MAN1C1: variants seen among roughly 807,000 people sequenced by gnomAD.
MAN1C1 encodes the protein mannosyl-oligosaccharide 1,2-alpha-mannosidase IC.
Under a neutral mutation model 71.5 loss-of-function variants are expected in MAN1C1, and 49 were observed. That is an observed-to-expected ratio of 0.69 (90% CI 0.54 to 0.87). The LOEUF is 0.87. MAN1C1 is among the 40% of genes least tolerant of loss of function. The pLI, the probability that MAN1C1 is intolerant of heterozygous loss-of-function variation, is 0.00. For synonymous variants in MAN1C1, 352 were observed against 343.7 expected (o/e 1.02, Z -0.27); for missense variants, 743 against 835.0 (o/e 0.89, Z 1.36).
intron 1 of MAN1C1, among the ~76,000 whole-genome samples, chr1:25,653,017 T>C (rs2124074265): frequency 6.6e-6 from 1 of 152,148 alleles, no homozygotes; most frequent in East Asian, 1.9e-4. Context: ...CTGCCCATCT[T>C]GACCTCCCAA....
chr1:25,706,579 G>C (rs1450766752), intron 2 of MAN1C1, among the ~76,000 whole-genome samples: 1 of 152,202 alleles, frequency 6.6e-6, no homozygotes, highest in East Asian at 1.9e-4. Context: ...AGGGCAGCCT[G>C]GGAGTCTGAG....
At chr1:25,721,296 A>G (rs939823114) in intron 2 of MAN1C1, among the ~76,000 whole-genome samples, 2 of 152,094 alleles carry the variant, frequency 1.3e-5, no homozygotes, top group African/African-American at 4.8e-5. Flanking sequence ...TAATTTTGGG[A>G]TCAGCTTGTC....
At chr1:25,759,822 C>A (rs1280769756) in intron 6 of MAN1C1, 1 of 152,130 alleles carries the variant, frequency 6.6e-6, no homozygotes. Flanking sequence ...AGCTGTTCAG[C>A]CTCTTCTTGA....
chr1:25,777,793 T>G, intron 8 of MAN1C1: 1 of 269,776 alleles, frequency 3.7e-6, no homozygotes, highest in Non-Finnish European at 7.0e-6. Flanking sequence ...ACAGAGGACA[T>G]AATGGAGGAG....
At chr1:25,679,950 A>AAAAAT (rs1285307256) in intron 1 of MAN1C1, among the ~76,000 whole-genome samples, 23 of 117,232 alleles carry the variant, frequency 2.0e-4, no homozygotes, top group African/African-American at 8.7e-4. Context: ...AAAAAAAAAA[A>AAAAAT]ATATATATAT....
chr1:25,633,971 T>C, intron 1 of MAN1C1, among the ~76,000 whole-genome samples: 1 of 152,218 alleles, frequency 6.6e-6, no homozygotes, highest in East Asian at 1.9e-4. Context: ...GGTCTGGTAG[T>C]GACAAGTTCC....
rs2786881 is a variant in MAN1C1, at chr1:25,763,088, C to T, written c.1048-786C>T. On this transcript the variant is annotated intron_variant, in intron 6 of 11. Transcript: ENST00000374332. The stretch of plus-strand genomic sequence containing the variant: ...TTCGAGACCAGCCTGGCCAACATGG[C>T]GAAACCCCATCTCTACTAAAAATAC... Among the ~76,000 whole-genome samples, 10 of 151,918 alleles carry T rather than the reference C, an allele frequency of 6.6e-5. No individual in the cohort carries two copies. In the South Asian group the frequency reaches 1.2e-3, roughly 19 times the overall value.
At chr1:25,697,135 A>T (rs948096947) in intron 2 of MAN1C1, among the ~76,000 whole-genome samples, 17 of 152,046 alleles carry the variant, frequency 1.1e-4, no homozygotes, top group Middle Eastern at 3.4e-3. Flanking sequence ...ATTTGGTTGT[A>T]TCATATCAGA....
At chr1:25,737,812 C>T (rs756660902) in intron 2 of MAN1C1, among the ~76,000 whole-genome samples, 2 of 152,028 alleles carry the variant, frequency 1.3e-5, no homozygotes, top group Non-Finnish European at 2.9e-5. Flanking sequence ...AGGTGTTTAC[C>T]GAGCCATCTC....
chr1:25,751,758 A>G (rs1211021308), intron 4 of MAN1C1, among the ~76,000 whole-genome samples: 1 of 152,148 alleles, frequency 6.6e-6, no homozygotes, highest in Non-Finnish European at 1.5e-5. Flanking sequence ...GGAAACTGAG[A>G]CTTAGAAGCA....
At chr1:25,668,584 C>G (rs146196608) in intron 1 of MAN1C1, among the ~76,000 whole-genome samples, 3,499 of 145,746 alleles carry the variant, frequency 0.024, 144 homozygotes, top group African/African-American at 0.085. Context: ...GAGACGGAGT[C>G]TTGCTCAGTC....
At chr1:25,744,557 C>A (rs561172408) in intron 2 of MAN1C1, among the ~76,000 whole-genome samples, 7 of 152,252 alleles carry the variant, frequency 4.6e-5, no homozygotes, top group Admixed American at 4.6e-4. Context: ...CCCTCTGCTC[C>A]CTCCTTGGCG....
chr1:25,721,717 C>T (rs184774900), intron 2 of MAN1C1, among the ~76,000 whole-genome samples: 287 of 152,308 alleles, frequency 1.9e-3, no homozygotes, highest in African/African-American at 6.4e-3. Flanking sequence ...GCAAACAGAT[C>T]GTTTTACTTC....
chr1:25,726,601 G>C (rs917517889), intron 2 of MAN1C1, among the ~76,000 whole-genome samples: 2 of 152,128 alleles, frequency 1.3e-5, no homozygotes, highest in Non-Finnish European at 1.5e-5. Flanking sequence ...CCGCTGGTGT[G>C]GGGAGAGAGC....
intron 1 of MAN1C1, among the ~76,000 whole-genome samples, chr1:25,636,561 C>G (rs910730890): frequency 6.6e-6 from 1 of 152,202 alleles, no homozygotes; most frequent in African/African-American, 2.4e-5. Context: ...TTATGGTTGT[C>G]TTCCCTTGTT....
intron 2 of MAN1C1, among the ~76,000 whole-genome samples, chr1:25,704,163 A>C (rs1364287186): frequency 6.6e-6 from 1 of 152,222 alleles, no homozygotes; most frequent in African/African-American, 2.4e-5. Context: ...CCCGAGGCTG[A>C]GAACAGCCTC....
chr1:25,744,156 G>T (rs950908351), intron 2 of MAN1C1, among the ~76,000 whole-genome samples: 18 of 152,294 alleles, frequency 1.2e-4, no homozygotes, highest in African/African-American at 4.3e-4. Flanking sequence ...CTACAGCCAG[G>T]AGCATGGACA....
intron 1 of MAN1C1, among the ~76,000 whole-genome samples, chr1:25,675,127 G>T (rs1392593209): frequency 6.6e-6 from 1 of 152,032 alleles, no homozygotes; most frequent in East Asian, 1.9e-4. Context: ...GGTAGTTTTT[G>T]GTTACATAGA....
intron 2 of MAN1C1, among the ~76,000 whole-genome samples, chr1:25,742,530 C>T (rs1270837548): frequency 6.6e-6 from 1 of 152,192 alleles, no homozygotes; most frequent in Admixed American, 6.5e-5. Context: ...ACCCCAAGGC[C>T]TCACTGACCC....
Sources: allele counts gnomAD v4.1 joint callset (sites outside exome capture counted in the v4.1 genomes callset), GRCh38; gene constraint gnomAD v4.1.1; transcripts MANE v1.5; gene names NCBI Gene and HGNC (gene_info 2026-07-23, HGNC 2026-07-21).